PCID2: variants seen among roughly 807,000 people sequenced by gnomAD.
The protein encoded by PCID2 is PCI domain-containing protein 2.
Under a neutral mutation model 61.3 loss-of-function variants are expected in PCID2, and 41 were observed. The observed-to-expected ratio is 0.67, with a 90% CI of 0.52 to 0.87. PCID2 has a LOEUF of 0.87. Ranked by LOEUF, PCID2 falls within the 40% of genes least tolerant of loss-of-function variation. The pLI is 0.00. For missense variants in PCID2, 392 were observed against 493.4 expected, an observed-to-expected ratio of 0.79 and a Z score of 1.95; for synonymous variants, 187 against 177.8, an observed-to-expected ratio of 1.05 and a Z score of -0.41.
chr13:113,179,149 A>C lies in PCID2; in HGVS notation c.987-60T>G. The C allele has an allele frequency of 6.7e-7, 1 of 1,494,888 alleles. No individual in the cohort carries two copies. The highest frequency in any genetic ancestry group is 9.1e-7 in the Non-Finnish European group (1 of 1,100,278). The allele number at this position is 1,494,888 out of a possible 1,614,324, so 92.6% of individuals were successfully genotyped here. A position where few individuals can be genotyped will look rare whatever the true frequency, so the allele number is the denominator to read the frequency against. Reference sequence around the variant, plus strand: ...CGACAGGATGCAATACTCCACAGCCAAGAAAAGGCACCTCTTAATAAGCCG... The same window carrying C: ...CGACAGGATGCAATACTCCACAGCCCAGAAAAGGCACCTCTTAATAAGCCG... On this transcript the variant is annotated intron_variant, in intron 12 of 13. Coordinates refer to ENST00000337344, the MANE Select transcript of PCID2 (RefSeq NM_001127202.4). This position sits in a 1 kb window ranked among gnomAD's most constrained non-coding sequence, Gnocchi z 4.3.
Position 113,178,837 on chromosome 13 carries a change from A to G in PCID2, c.1110+129T>C, listed in dbSNP as rs572642383. ...CCTGGTGAATGGTATTTCCTGGGCT[A>G]AAATTAGTTCTATCAAAAAAAAAGC... On this transcript the variant is annotated intron_variant, in intron 13 of 13. Coordinates refer to ENST00000337344, the MANE Select transcript of PCID2 (RefSeq NM_001127202.4). 8.7e-5 allele frequency: 71 copies of G among 816,896 alleles called. No homozygotes were observed. In the South Asian group the frequency reaches 1.2e-3, roughly 14 times the overall value. The allele number at this position is 816,896 out of a possible 1,614,324, so 50.6% of individuals were successfully genotyped here. A position where few individuals can be genotyped will look rare whatever the true frequency, so the allele number is the denominator to read the frequency against.
In PCID2 at chr13:113,200,610, T is replaced by C. The variant is rs1018275857; in HGVS notation, c.37-94A>G. 3 of 786,694 alleles carry C rather than the reference T, an allele frequency of 3.8e-6. No individual in the cohort carries two copies. The Admixed American group carries it at 6.5e-5, about 17-fold the overall frequency. 48.7% of individuals were successfully genotyped at this position (786,694 alleles called of 1,614,324 possible). ...ACACTGAATGCCACACAGGGGAAAA[T>C]TCATTTTCCCCTACTTTGAAAGAAG... On this transcript the variant is annotated intron_variant, in intron 1 of 13. Coordinates refer to ENST00000337344, the MANE Select transcript of PCID2 (RefSeq NM_001127202.4).
At chr13:113,200,371 A>G (rs2039327307) in intron 2 of PCID2, 56 bp downstream of exon 2, 2 of 982,910 alleles carry the variant, frequency 2.0e-6, no homozygotes, top group Non-Finnish European at 3.3e-6. Context: ...TCTCTTAGGA[A>G]AGTGGTTACC....
At chr13:113,183,310 G>A (rs1245687010) in intron 9 of PCID2, among the ~76,000 whole-genome samples, 1 of 152,038 alleles carries the variant, frequency 6.6e-6, no homozygotes, top group African/African-American at 2.4e-5. Flanking sequence ...AACAATTTCT[G>A]GCTATGTTAG....
chr13:113,166,885 C>G, the PCID2 span, among the ~76,000 whole-genome samples: 1 of 152,214 alleles, frequency 6.6e-6, no homozygotes, highest in South Asian at 2.1e-4. Context: ...CGGTTCTAGT[C>G]TGCAACCGTA....
chr13:113,178,354 G>T, intron 13 of PCID2, 67 bp from the exon 14 acceptor site: 1 of 1,179,948 alleles, frequency 8.5e-7, no homozygotes, highest in Non-Finnish European at 1.3e-6. Context: ...GATGCTGGGT[G>T]ATCTAATTAA....
At chr13:113,185,776 A>C in intron 7 of PCID2, 1 of 430,190 alleles carries the variant, frequency 2.3e-6, no homozygotes, top group Non-Finnish European at 4.1e-6. Flanking sequence ...AAGAGAAAAC[A>C]AACCAGGAAA....
In PCID2 at chr13:113,178,078, A is replaced by C; in HGVS notation, c.*120T>G. The C allele has an allele frequency of 1.7e-6, 1 of 605,178 alleles. No individual in the cohort carries two copies. Among genetic ancestry groups the C allele is most frequent in the Non-Finnish European group, 2.9e-6 (1 of 342,440 alleles). The allele number at this position is 605,178 out of a possible 1,614,324, so 37.5% of individuals were successfully genotyped here. On this transcript the variant is annotated 3_prime_UTR_variant, in exon 14 of 14. Transcript: ENST00000337344. ...AAATCTCAGCCTCAGCATCCCTGGG[A>C]AAAGCGCCTCCAAGAGTTCCGGCTT...
intron 6 of PCID2, among the ~76,000 whole-genome samples, chr13:113,194,836 A>C (rs1348059904): frequency 6.6e-6 from 1 of 152,230 alleles, no homozygotes; most frequent in Non-Finnish European, 1.5e-5. Context: ...GGTTAACCAC[A>C]AAATGGAACC....
downstream of PCID2, among the ~76,000 whole-genome samples, chr13:113,176,493 G>A (rs9577478): frequency 8.4e-3 from 1,262 of 150,202 alleles, 154 homozygotes; most frequent in East Asian, 0.14. Context: ...CGGGTGTGGT[G>A]GCACATGCCT....
chr13:113,180,136 C>A (rs1222507071), intron 11 of PCID2, 22 bp downstream of exon 11: 1 of 1,613,714 alleles, frequency 6.2e-7, no homozygotes, highest in East Asian at 2.2e-5. Flanking sequence ...AAACCCCAAA[C>A]AGGAAGGATG....
rs76666360 is a variant in PCID2, at chr13:113,206,296, T to A, written c.36+2303A>T. On this transcript the variant is annotated intron_variant, in intron 1 of 13. Coordinates refer to ENST00000337344, the MANE Select transcript of PCID2 (RefSeq NM_001127202.4). Reference sequence around the variant, plus strand: ...CAGAATTAGTAAAAATGCCAGGATTTGGGCTGAAGTCTTATTGTCTTTAAA... The same window carrying A: ...CAGAATTAGTAAAAATGCCAGGATTAGGGCTGAAGTCTTATTGTCTTTAAA... Among the ~76,000 whole-genome samples, 1,485 of 152,346 alleles carry A rather than the reference T, an allele frequency of 9.7e-3. 9 individuals carry two copies. The highest frequency in any genetic ancestry group is 0.015 in the Non-Finnish European group (1,006 of 68,026).
At chr13:113,183,475 C>CCTAGATCTA (rs1217194363) in intron 9 of PCID2, among the ~76,000 whole-genome samples, 2 of 151,830 alleles carry the variant, frequency 1.3e-5, no homozygotes, top group Non-Finnish European at 2.9e-5. Context: ...CTTTAAAAGC[C>CCTAGATCTA]CTAGATCTAC....
intron 1 of PCID2, 109 bp downstream of exon 1, chr13:113,208,490 G>A (rs1307288455): frequency 1.9e-6 from 3 of 1,543,912 alleles, no homozygotes; most frequent in Non-Finnish European, 2.6e-6. Flanking sequence ...AACGGAAGAA[G>A]GGTGGCGAGG....
chr13:113,199,543 C>T (rs1406672882), intron 2 of PCID2, among the ~76,000 whole-genome samples: 2 of 152,144 alleles, frequency 1.3e-5, no homozygotes, highest in African/African-American at 4.8e-5. Context: ...ATGAAACCAC[C>T]GAAAGAAAGT....
chr13:113,208,191 G>A (rs2139022888), intron 1 of PCID2: 5 of 1,564,262 alleles, frequency 3.2e-6, no homozygotes, highest in Non-Finnish European at 4.3e-6. Context: ...TGGAGTCCCC[G>A]AATTCATCCC....
At chr13:113,189,482 G>T (rs180984773) in intron 7 of PCID2, among the ~76,000 whole-genome samples, 170 of 152,062 alleles carry the variant, frequency 1.1e-3, no homozygotes, top group African/African-American at 4.0e-3. Context: ...GGGAACAATA[G>T]TTTTTTGTTT....
rs1247167170 is a variant in PCID2, at chr13:113,180,192, G to A, written c.826C>T (p.Leu276=). The change falls in exon 11 of 14, where the codon CTG becomes TTG. Residue 276 remains leucine, a synonymous_variant. Transcript: ENST00000337344. ...CTGGTTACTTCCGCAAACTGCATCA[G>A]GTGATACTTTTTCAGGAGCTCCACA... ...PTVELLKKYH[L]MQFAEVTRAV... 1.9e-6 allele frequency: 3 copies of A among 1,613,866 alleles called. No individual in the cohort carries two copies. The African/African-American group carries it at 4.0e-5, about 22-fold the overall frequency.
downstream of PCID2, among the ~76,000 whole-genome samples, chr13:113,175,786 A>G (rs2037176070): frequency 6.6e-6 from 1 of 152,236 alleles, no homozygotes; most frequent in African/African-American, 2.4e-5. Flanking sequence ...TACGTGTGGC[A>G]GTCCACGGCT....
Sources: gnomAD v4.1 joint callset for allele counts (sites outside exome capture counted in the v4.1 genomes callset) on GRCh38, gnomAD v4.1.1 for gene constraint, Gnocchi (gnomAD v3.1) non-coding constraint, MANE v1.5 for transcripts, NCBI Gene and HGNC (gene_info 2026-07-23, HGNC 2026-07-21) for gene names.